Variants in SRGAP1 observed in about 807,000 individuals in gnomAD.
SRGAP1 encodes SLIT-ROBO Rho GTPase-activating protein 1.
In SRGAP1, 43 loss-of-function variants were observed where a neutral mutation model predicts 121.9. The observed-to-expected ratio is 0.35, with a 90% confidence interval of 0.28 to 0.46. SRGAP1 has a LOEUF of 0.46. Ranked by LOEUF, SRGAP1 falls within the 20% of genes least tolerant of loss-of-function variation. SRGAP1 has a pLI of 1.00. For missense variants in SRGAP1, 1,102 were observed against 1,350.9 expected (o/e 0.82, Z 2.89); for synonymous variants, 447 against 485.4 (o/e 0.92, Z 1.04).
intron 1 of SRGAP1, among the ~76,000 whole-genome samples, chr12:63,885,063 G>T (rs1900331491): frequency 6.6e-6 from 1 of 152,042 alleles, no homozygotes; most frequent in South Asian, 2.1e-4. Flanking sequence ...AGTTTATGGA[G>T]GCTGTTTAGG....
chr12:63,871,409 G>A (rs1007292868), intron 1 of SRGAP1, among the ~76,000 whole-genome samples: 2 of 152,140 alleles, frequency 1.3e-5, no homozygotes, highest in African/African-American at 4.8e-5. Flanking sequence ...AGGATTAATG[G>A]TTCAATTTCC....
In SRGAP1 at chr12:63,893,713, T is replaced by C. The variant is rs549979926; in HGVS notation, c.67+48830T>C. On this transcript the variant is annotated intron_variant, in intron 1 of 21. Coordinates refer to ENST00000355086, the MANE Select transcript of SRGAP1 (RefSeq NM_020762.4). The stretch of plus-strand genomic sequence containing the variant: ...TTGCATCACTAAGTCTGTTACACTT[T>C]ACTTTTACTAGATCTGAACATTTTA... 7.9e-5 allele frequency among the ~76,000 whole-genome samples: 12 copies of C among 152,368 alleles called. No homozygotes were observed. In the South Asian group the frequency reaches 2.1e-3, roughly 26 times the overall value.
chr12:63,944,596 C>T (rs1239385578), intron 1 of SRGAP1, among the ~76,000 whole-genome samples: 1 of 152,126 alleles, frequency 6.6e-6, no homozygotes, highest in Admixed American at 6.5e-5. Flanking sequence ...CCCTTTGTTT[C>T]TACCCCTCCT....
At chr12:64,060,264 G>A (rs1413203187) in intron 6 of SRGAP1, among the ~76,000 whole-genome samples, 1 of 143,868 alleles carries the variant, frequency 7.0e-6, no homozygotes, top group Non-Finnish European at 1.5e-5. Flanking sequence ...CTAGAGTGCA[G>A]TGGTACAATC....
rs2037072861 is a variant in SRGAP1, at chr12:64,147,521, G to A, written c.*4849G>A. On this transcript the variant is annotated 3_prime_UTR_variant, in exon 22 of 22. Coordinates refer to ENST00000355086, the MANE Select transcript of SRGAP1 (RefSeq NM_020762.4). ...AGACTGTCTCGTTTTCCTTGTAGAC[G>A]TGATTGTGCCTTTCTCACCCCTGTG... 5.0e-6 allele frequency: 2 copies of A among 398,662 alleles called. No individual in the cohort carries two copies. Among genetic ancestry groups the A allele is most frequent in the Non-Finnish European group, 8.8e-6 (2 of 226,200 alleles). 24.7% of individuals were successfully genotyped at this position (398,662 alleles called of 1,614,324 possible). A position where few individuals can be genotyped will look rare whatever the true frequency, so the allele number is the denominator to read the frequency against.
intron 18 of SRGAP1, among the ~76,000 whole-genome samples, chr12:64,125,218 A>C (rs566877780): frequency 8.5e-5 from 13 of 152,332 alleles, no homozygotes; most frequent in African/African-American, 3.1e-4. Context: ...TATGGTATGC[A>C]ATCTTTTGAG....
At chr12:64,071,760 T>A (rs2035640129) in intron 8 of SRGAP1, among the ~76,000 whole-genome samples, 1 of 152,146 alleles carries the variant, frequency 6.6e-6, no homozygotes, top group Admixed American at 6.5e-5. Flanking sequence ...GAAAATGAAT[T>A]TTGTTCAAAA....
intron 10 of SRGAP1, chr12:64,080,623 G>T: frequency 3.7e-6 from 2 of 535,548 alleles, no homozygotes; most frequent in East Asian, 3.5e-5. Flanking sequence ...CTCCTAGGGA[G>T]GGATCTTCAG....
At chr12:64,113,398 A>G (rs2036465274) in intron 17 of SRGAP1, among the ~76,000 whole-genome samples, 1 of 152,134 alleles carries the variant, frequency 6.6e-6, no homozygotes, top group Admixed American at 6.5e-5. Context: ...ACAGAGCAAG[A>G]TTCTGTCTCA....
chr12:63,992,792 C>G (rs1444200462), intron 3 of SRGAP1, among the ~76,000 whole-genome samples: 1 of 151,856 alleles, frequency 6.6e-6, no homozygotes, highest in Non-Finnish European at 1.5e-5. Context: ...CTCTTCTTAT[C>G]CAGATTTTCT....
chr12:63,891,080 A>T (rs577799079), intron 1 of SRGAP1, among the ~76,000 whole-genome samples: 1 of 152,232 alleles, frequency 6.6e-6, no homozygotes, highest in Non-Finnish European at 1.5e-5. Context: ...GGGTCTGGCC[A>T]CCTGGCTGGA....
intron 1 of SRGAP1, among the ~76,000 whole-genome samples, chr12:63,868,811 T>A (rs1242425061): frequency 6.6e-6 from 1 of 152,174 alleles, no homozygotes; most frequent in Non-Finnish European, 1.5e-5. Context: ...TCAGACCACT[T>A]CCTTATTCTC....
Position 63,985,765 on chromosome 12 carries a change from G to A in SRGAP1, c.263+1623G>A, listed in dbSNP as rs1161952595. ...TCCTCCCCACCAACCCCATTGCATT[G>A]CATCCCAGAACCAGAAGAGCTACTA... On this transcript the variant is annotated intron_variant, in intron 2 of 21. Transcript: ENST00000355086. 5.3e-5 allele frequency among the ~76,000 whole-genome samples: 8 copies of A among 152,118 alleles called. No individual in the cohort carries two copies. In the East Asian group the frequency reaches 1.5e-3, roughly 29 times the overall value.
intron 1 of SRGAP1, among the ~76,000 whole-genome samples, chr12:63,861,122 T>C (rs971397783): frequency 6.6e-6 from 1 of 150,970 alleles, no homozygotes; most frequent in South Asian, 2.1e-4. Context: ...TTTTCTGATA[T>C]AAAAATAAAA....
intron 1 of SRGAP1, among the ~76,000 whole-genome samples, chr12:63,934,159 C>T (rs2031577776): frequency 6.6e-6 from 1 of 152,130 alleles, no homozygotes; most frequent in Non-Finnish European, 1.5e-5. Context: ...CTACTTATGT[C>T]AGTTAATTCT....
chr12:64,039,660 T>TGTGTGTGTGTGTGTGC (rs1555168601), intron 4 of SRGAP1, among the ~76,000 whole-genome samples: 2 of 145,370 alleles, frequency 1.4e-5, no homozygotes, highest in Non-Finnish European at 1.5e-5. Flanking sequence ...TGTGTGTGTG[T>TGTGTGTGTGTGTGTGC]ACACCCTCTC....
In SRGAP1 at chr12:64,126,031, G is replaced by A. The variant is rs1446124416; in HGVS notation, c.2279G>A (p.Arg760Lys). 7.4e-6 allele frequency: 12 copies of A among 1,614,208 alleles called. No homozygotes were observed. Among genetic ancestry groups the A allele is most frequent in the Non-Finnish European group, 1.0e-5 (12 of 1,180,028 alleles). The change falls in exon 19 of 22, where the codon AGA becomes AAA. Residue 760 changes from arginine (R) to lysine (K), a missense_variant. By Grantham distance (26) the Arg-to-Lys change is conservative. This residue lies in a region of SRGAP1 where 747 missense variants were observed against 929.4 expected (regional missense o/e 0.80). Coordinates refer to ENST00000355086, the MANE Select transcript of SRGAP1 (RefSeq NM_020762.4). ...AKFDYVGRSA[R>K]ELSFKKGASL... ...TTTGACTATGTTGGGCGGTCTGCCA[G>A]AGAACTATCCTTCAAGAAGGGTGCC...
At chr12:64,041,189 A>T (rs1460206743) in intron 4 of SRGAP1, among the ~76,000 whole-genome samples, 2 of 152,116 alleles carry the variant, frequency 1.3e-5, no homozygotes, top group Admixed American at 1.3e-4. Context: ...AAGTTATGGA[A>T]CAGTCATATA....
At chr12:64,068,615 G>A (rs1168071417) in intron 8 of SRGAP1, among the ~76,000 whole-genome samples, 5 of 151,852 alleles carry the variant, frequency 3.3e-5, no homozygotes, top group African/African-American at 4.8e-5. Context: ...GATTACAGGC[G>A]TGAGCCACCA....
Sources: allele counts gnomAD v4.1 joint callset (sites outside exome capture counted in the v4.1 genomes callset), GRCh38; gene constraint gnomAD v4.1.1; regional missense constraint gnomAD v4.1.1; transcripts MANE v1.5; gene names NCBI Gene and HGNC (gene_info 2026-07-23, HGNC 2026-07-21).